The following KCNJ6 variants were observed in gnomAD, a reference collection of about 807,000 sequenced individuals.
The protein encoded by KCNJ6 is G protein-activated inward rectifier potassium channel 2.
KCNJ6 carries 9 observed loss-of-function variants against 34.2 expected under a neutral mutation model. That is an observed-to-expected ratio of 0.26 (90% confidence interval 0.16 to 0.46). The LOEUF is 0.46. Ranked by LOEUF, KCNJ6 falls within the 20% of genes least tolerant of loss-of-function variation. The pLI is 1.00. For missense variants in KCNJ6, 236 were observed against 531.3 expected (o/e 0.44, Z 5.46); for synonymous variants, 196 against 207.1 (o/e 0.95, Z 0.46).
At chr21:37,626,130 C>CTTTTTTTTTTTTTT (rs10649366) in intron 3 of KCNJ6, among the ~76,000 whole-genome samples, 1 of 143,040 alleles carries the variant, frequency 7.0e-6, no homozygotes. Context: ...TTTCCCCCTT[C>CTTTTTTTTTTTTTT]TTTTTTTTTT....
intron 2 of KCNJ6, among the ~76,000 whole-genome samples, chr21:37,832,955 CA>C (rs1431290880): frequency 6.6e-6 from 1 of 152,182 alleles, no homozygotes; most frequent in East Asian, 1.9e-4. Flanking sequence ...TGGTGGTCCC[CA>C]GCCATTGCTG....
intron 1 of KCNJ6, among the ~76,000 whole-genome samples, chr21:37,880,374 G>T (rs1328964508): frequency 6.6e-6 from 1 of 152,212 alleles, no homozygotes; most frequent in Non-Finnish European, 1.5e-5. Flanking sequence ...ATTTAGTCCT[G>T]GTTTGGGGGA....
intron 1 of KCNJ6, among the ~76,000 whole-genome samples, chr21:37,847,746 C>A (rs1443279545): frequency 1.6e-5 from 2 of 127,830 alleles, no homozygotes; most frequent in Non-Finnish European, 3.1e-5. Context: ...AAGGGAGAGA[C>A]AGAGAGAGAG....
intron 2 of KCNJ6, among the ~76,000 whole-genome samples, chr21:37,787,746 A>C (rs2055198990): frequency 6.6e-6 from 1 of 152,220 alleles, no homozygotes; most frequent in African/African-American, 2.4e-5. Context: ...GAATGGGCCT[A>C]CAAAAAAGTC....
chr21:37,714,827 G>T lies in KCNJ6; in HGVS notation c.330C>A (p.Ile110=), dbSNP rs759313073. 1.2e-6 allele frequency: 2 copies of T among 1,614,208 alleles called. No homozygotes were observed. The highest frequency in any genetic ancestry group is 2.2e-5 in the South Asian group (2 of 91,092). ...YTVTWLFFGM[I]WWLIAYIRGD... The stretch of plus-strand genomic sequence containing the variant: ...CCCGTATGTATGCGATCAACCACCA[G>T]ATCATTCCAAAAAAGAGCCAGGTCA... Residue 110 remains isoleucine, a synonymous_variant, in exon 3 of 4, where the codon ATC becomes ATA. Coordinates refer to ENST00000609713, the MANE Select transcript of KCNJ6 (RefSeq NM_002240.5). The surrounding 1 kb of genome is among the most constrained non-coding windows in gnomAD (Gnocchi z 5.9).
At chr21:37,856,153 C>G (rs896111526) in intron 1 of KCNJ6, among the ~76,000 whole-genome samples, 1 of 152,198 alleles carries the variant, frequency 6.6e-6, no homozygotes, top group East Asian at 1.9e-4. Flanking sequence ...GTCCAAACAT[C>G]ATTTCCGGAA....
intron 3 of KCNJ6, among the ~76,000 whole-genome samples, chr21:37,693,008 C>T (rs376051940): frequency 6.6e-6 from 1 of 152,180 alleles, no homozygotes; most frequent in African/African-American, 2.4e-5. Flanking sequence ...CAAAGTGTCA[C>T]TAGTGACTGC....
rs1031413617 is a variant in KCNJ6, at chr21:37,840,704, C to T, written c.-22G>A. 1.3e-6 allele frequency: 2 copies of T among 1,578,612 alleles called. No individual in the cohort carries two copies. Among genetic ancestry groups the T allele is most frequent in the Non-Finnish European group, 1.7e-6 (2 of 1,150,940 alleles). Reference sequence around the variant, plus strand: ...CCATTGTTGCAGTTTCTTCTTTGTGCTTTTCCTGGAGGTGAGAAGAAAAGA... The same window carrying T: ...CCATTGTTGCAGTTTCTTCTTTGTGTTTTTCCTGGAGGTGAGAAGAAAAGA... On this transcript the variant is annotated 5_prime_UTR_variant, in exon 2 of 4. Coordinates refer to ENST00000609713, the MANE Select transcript of KCNJ6 (RefSeq NM_002240.5).
intron 1 of KCNJ6, among the ~76,000 whole-genome samples, chr21:37,896,628 G>C (rs1467913942): frequency 6.6e-6 from 1 of 152,208 alleles, no homozygotes; most frequent in Non-Finnish European, 1.5e-5. Flanking sequence ...TAGGAGGGCA[G>C]AGCTGTCACC....
At chr21:37,907,801 TC>T (rs2055848804) in intron 1 of KCNJ6, among the ~76,000 whole-genome samples, 1 of 152,196 alleles carries the variant, frequency 6.6e-6, no homozygotes, top group Non-Finnish European at 1.5e-5. Flanking sequence ...CACTCCTAAT[TC>T]TTTCATCTAC....
intron 2 of KCNJ6, among the ~76,000 whole-genome samples, chr21:37,837,713 G>GTTTT (rs5843868): frequency 6.9e-6 from 1 of 145,950 alleles, no homozygotes; most frequent in Non-Finnish European, 1.5e-5. Flanking sequence ...GGTTCTGTCT[G>GTTTT]TTTTTTTTTT....
At chr21:37,757,620 C>T (rs966134778) in intron 2 of KCNJ6, among the ~76,000 whole-genome samples, 2 of 152,010 alleles carry the variant, frequency 1.3e-5, no homozygotes, top group African/African-American at 4.8e-5. Context: ...CACTCCCTCA[C>T]AGTGTGATGA....
At chr21:37,709,238 G>A (rs1245271620) in intron 3 of KCNJ6, among the ~76,000 whole-genome samples, 2 of 152,228 alleles carry the variant, frequency 1.3e-5, no homozygotes, top group South Asian at 2.1e-4. Context: ...TTGACTGGGC[G>A]CGGTGGCTCA....
chr21:37,788,590 TTG>T (rs2055202767), intron 2 of KCNJ6, among the ~76,000 whole-genome samples: 1 of 152,148 alleles, frequency 6.6e-6, no homozygotes, highest in South Asian at 2.1e-4. Flanking sequence ...TGAGCTGACA[TTG>T]TGATTTTCTT....
chr21:37,779,505 A>AC (rs959434596), intron 2 of KCNJ6, among the ~76,000 whole-genome samples: 43 of 152,162 alleles, frequency 2.8e-4, no homozygotes, highest in African/African-American at 1.0e-3. Context: ...CCATCCATAG[A>AC]CCCCATTGCA....
intron 3 of KCNJ6, among the ~76,000 whole-genome samples, chr21:37,691,487 G>A (rs2054639517): frequency 6.6e-6 from 1 of 152,210 alleles, no homozygotes; most frequent in East Asian, 1.9e-4. Flanking sequence ...GCTCTTGTTG[G>A]AAGGTGGGAA....
chr21:37,659,543 G>C (rs2054478836), intron 3 of KCNJ6, among the ~76,000 whole-genome samples: 1 of 152,268 alleles, frequency 6.6e-6, no homozygotes, highest in Non-Finnish European at 1.5e-5. Flanking sequence ...AACTAAAAGA[G>C]GGAAGGGCAG....
At chr21:37,857,060 T>C (rs1039724421) in intron 1 of KCNJ6, among the ~76,000 whole-genome samples, 3 of 152,196 alleles carry the variant, frequency 2.0e-5, no homozygotes, top group Non-Finnish European at 4.4e-5. Context: ...AAGTAAATAA[T>C]ATGCATTTCT....
At chr21:37,696,503 TC>T (rs1411329338) in intron 3 of KCNJ6, among the ~76,000 whole-genome samples, 1 of 152,100 alleles carries the variant, frequency 6.6e-6, no homozygotes, top group East Asian at 1.9e-4. Context: ...TCTATAGTCT[TC>T]AAAAAATTAA....
Sources: allele counts gnomAD v4.1 joint callset (sites outside exome capture counted in the v4.1 genomes callset), GRCh38; gene constraint gnomAD v4.1.1; non-coding constraint Gnocchi (gnomAD v3.1); transcripts MANE v1.5; gene names NCBI Gene and HGNC (gene_info 2026-07-23, HGNC 2026-07-21).